The following CPNE4 variants were observed in gnomAD, a reference collection of about 807,000 sequenced individuals.
CPNE4 encodes the protein copine-4.
Under a neutral mutation model 67.9 loss-of-function variants are expected in CPNE4, and 25 were observed. The observed-to-expected ratio is 0.37, with a 90% CI of 0.27 to 0.51. CPNE4 has a LOEUF of 0.51. Ranked by LOEUF, CPNE4 falls within the 20% of genes least tolerant of loss-of-function variation. The pLI, the probability that CPNE4 is intolerant of heterozygous loss-of-function variation, is 0.93. For synonymous variants in CPNE4, 242 were observed against 244.9 expected, an observed-to-expected ratio of 0.99 and a Z score of 0.11; for missense variants, 464 against 690.8, an observed-to-expected ratio of 0.67 and a Z score of 3.68.
upstream of CPNE4, among the ~76,000 whole-genome samples, chr3:132,036,819 C>A (rs2074347732): frequency 6.6e-6 from 1 of 152,132 alleles, no homozygotes; most frequent in South Asian, 2.1e-4. Flanking sequence ...AGGGACCATT[C>A]AACATAAACT....
chr3:131,723,739 A>G, intron 2 of CPNE4, 114 bp from the exon 3 acceptor site: 1 of 934,946 alleles, frequency 1.1e-6, no homozygotes, highest in African/African-American at 1.6e-5. Context: ...GCTCCCCAGC[A>G]AGTCATTGGG....
chr3:132,031,061 A>C (rs940835957), intron 1 of CPNE4, among the ~76,000 whole-genome samples: 1 of 152,164 alleles, frequency 6.6e-6, no homozygotes, highest in Non-Finnish European at 1.5e-5. Context: ...AAAAGAAAAT[A>C]TTATAAGATT....
At chr3:131,864,387 A>C (rs901287083) in intron 2 of CPNE4, among the ~76,000 whole-genome samples, 8 of 152,048 alleles carry the variant, frequency 5.3e-5, no homozygotes, top group Non-Finnish European at 1.2e-4. Flanking sequence ...TTCATTGAGC[A>C]GTGGTTTGTA....
intron 1 of CPNE4, among the ~76,000 whole-genome samples, chr3:131,907,267 T>C (rs1389706970): frequency 6.6e-6 from 1 of 152,144 alleles, no homozygotes; most frequent in Admixed American, 6.5e-5. Flanking sequence ...TGTTTCTTTG[T>C]AGATTCATTA....
At chr3:131,923,196 C>T (rs1201661035) in intron 1 of CPNE4, among the ~76,000 whole-genome samples, 1 of 152,160 alleles carries the variant, frequency 6.6e-6, no homozygotes, top group African/African-American at 2.4e-5. Flanking sequence ...CTACAAATAA[C>T]TTTTGCTTTA....
At chr3:131,911,823 T>C (rs1384159256) in intron 1 of CPNE4, among the ~76,000 whole-genome samples, 1 of 152,128 alleles carries the variant, frequency 6.6e-6, no homozygotes, top group African/African-American at 2.4e-5. Flanking sequence ...TGACAAAATA[T>C]ACTGGAGTTC....
intron 7 of CPNE4, among the ~76,000 whole-genome samples, chr3:131,628,754 C>T (rs1485031367): frequency 1.5e-5 from 2 of 136,276 alleles, no homozygotes; most frequent in African/African-American, 7.2e-5. Context: ...TCCCCTTTAT[C>T]ATTTTTTATT....
At chr3:131,792,925 G>GTGTGTA (rs58502463) in intron 2 of CPNE4, among the ~76,000 whole-genome samples, 11 of 135,238 alleles carry the variant, frequency 8.1e-5, no homozygotes, top group African/African-American at 2.0e-4. Context: ...GTGTGTGTGT[G>GTGTGTA]TATCTCCAAC....
intron 1 of CPNE4, among the ~76,000 whole-genome samples, chr3:131,977,855 C>G (rs370590062): frequency 2.0e-5 from 3 of 150,934 alleles, no homozygotes; most frequent in East Asian, 3.9e-4. Flanking sequence ...TCCTAGGTCC[C>G]CAAAGTCCAC....
chr3:131,592,991 A>G (rs980322131), intron 7 of CPNE4, among the ~76,000 whole-genome samples: 1 of 152,204 alleles, frequency 6.6e-6, no homozygotes, highest in Non-Finnish European at 1.5e-5. Flanking sequence ...GAAATGTGCT[A>G]TGCCAACTTA....
At chr3:132,007,830 A>G (rs947108477) in intron 1 of CPNE4, among the ~76,000 whole-genome samples, 18 of 152,122 alleles carry the variant, frequency 1.2e-4, no homozygotes, top group African/African-American at 4.3e-4. Flanking sequence ...TACCCAACAC[A>G]CCCACCATCA....
intron 7 of CPNE4, among the ~76,000 whole-genome samples, chr3:131,596,621 CAAAA>C (rs58456346): frequency 3.3e-4 from 11 of 32,980 alleles, no homozygotes; most frequent in African/African-American, 7.5e-4. Context: ...GACTCCGTCT[CAAAA>C]AAAAAAAAAA....
At chr3:131,889,837 T>G (rs747465171) in intron 2 of CPNE4, among the ~76,000 whole-genome samples, 2 of 152,148 alleles carry the variant, frequency 1.3e-5, no homozygotes, top group Non-Finnish European at 2.9e-5. Context: ...GGACACACAA[T>G]GGAGAAGGAT....
intron 5 of CPNE4, among the ~76,000 whole-genome samples, chr3:131,696,195 C>T (rs1244510182): frequency 6.6e-6 from 1 of 152,202 alleles, no homozygotes; most frequent in East Asian, 1.9e-4. Context: ...ACTTGGCAAA[C>T]ATAGGTGCTC....
intron 5 of CPNE4, among the ~76,000 whole-genome samples, chr3:131,694,463 C>G (rs778700023): frequency 6.6e-6 from 1 of 152,144 alleles, no homozygotes; most frequent in Admixed American, 6.6e-5. Flanking sequence ...AGTCCACATG[C>G]TTTTTCTCCA....
chr3:131,650,744 CAAAAAAAAAAA>C (rs141219633), intron 7 of CPNE4, among the ~76,000 whole-genome samples: 64 of 61,198 alleles, frequency 1.0e-3, no homozygotes, highest in African/African-American at 5.6e-3. Flanking sequence ...GACTCCGTCT[CAAAAAAAAAAA>C]AAAAAAAAAA....
chr3:132,034,139 C>T (rs1419686154), intron 1 of CPNE4, among the ~76,000 whole-genome samples: 1 of 152,170 alleles, frequency 6.6e-6, no homozygotes, highest in Non-Finnish European at 1.5e-5. Flanking sequence ...GAAGGGACTA[C>T]AATGTCCCAC....
At chr3:131,934,245 G>C (rs2071153804) in intron 1 of CPNE4, among the ~76,000 whole-genome samples, 2 of 152,158 alleles carry the variant, frequency 1.3e-5, no homozygotes, top group South Asian at 4.1e-4. Context: ...TTTAGGTGGA[G>C]TTAGCAGGTG....
chr3:131,977,792 T>C (rs1583546350), intron 1 of CPNE4, among the ~76,000 whole-genome samples: 1 of 151,894 alleles, frequency 6.6e-6, no homozygotes, highest in African/African-American at 2.4e-5. Context: ...CCAAGCAGTA[T>C]ACACTGCACC....
Sources: allele counts gnomAD v4.1 joint callset (sites outside exome capture counted in the v4.1 genomes callset), GRCh38; gene constraint gnomAD v4.1.1; transcripts MANE v1.5; gene names NCBI Gene and HGNC (gene_info 2026-07-23, HGNC 2026-07-21).